LDB3: variants seen among roughly 807,000 people sequenced by gnomAD.
LDB3 encodes LIM domain binding 3, also known as LIM domain-binding protein 3.
In LDB3, 49 loss-of-function variants were observed where a neutral mutation model predicts 69.0. The observed-to-expected ratio is 0.71, with a 90% CI of 0.56 to 0.90. The LOEUF is 0.90. Ranked by LOEUF, LDB3 falls within the 40% of genes least tolerant of loss-of-function variation. The probability of loss-of-function intolerance (pLI) is 0.00; values close to 1 mark genes in which losing one functional copy is unlikely to be tolerated. For synonymous variants in LDB3, 387 were observed against 396.2 expected, an observed-to-expected ratio of 0.98 and a Z score of 0.28; for missense variants, 928 against 974.1, an observed-to-expected ratio of 0.95 and a Z score of 0.63.
intron 5 of LDB3, chr10:86,687,362 C>T: frequency 7.6e-7 from 1 of 1,314,796 alleles, no homozygotes; most frequent in Middle Eastern, 2.2e-4. Context: ...GCTTTCTTCC[C>T]TCACGTTGGA....
At chr10:86,694,208 G>A (rs1845904095) in intron 7 of LDB3, among the ~76,000 whole-genome samples, 1 of 152,210 alleles carries the variant, frequency 6.6e-6, no homozygotes, top group African/African-American at 2.4e-5. Context: ...GAGCACAAAG[G>A]CAGTGTTGAA....
intron 12 of LDB3, among the ~76,000 whole-genome samples, chr10:86,725,511 C>G (rs1417748658): frequency 2.0e-5 from 3 of 152,028 alleles, no homozygotes; most frequent in Non-Finnish European, 4.4e-5. Flanking sequence ...AGATGTAGTC[C>G]CTGACATTGA....
In LDB3 at chr10:86,674,381, G is replaced by C. The variant is rs141791983; in HGVS notation, c.94-4986G>C. On this transcript the variant is annotated intron_variant, in intron 2 of 13. Transcript: ENST00000361373. Reference sequence around the variant, plus strand: ...CTCCTTTGCTGCCTCCCCGCCCCCAGCCCCCAGCACTCACAAGTGGCTCTG... The same window carrying C: ...CTCCTTTGCTGCCTCCCCGCCCCCACCCCCCAGCACTCACAAGTGGCTCTG... Among the ~76,000 whole-genome samples, 14 of 152,290 alleles carry C rather than the reference G, an allele frequency of 9.2e-5. No homozygotes were observed. The East Asian group carries it at 2.7e-3, about 29-fold the overall frequency.
At chr10:86,711,741 G>T (rs951582580) in intron 9 of LDB3, among the ~76,000 whole-genome samples, 2 of 150,296 alleles carry the variant, frequency 1.3e-5, no homozygotes, top group African/African-American at 4.9e-5. Context: ...CCGCTCCCCG[G>T]AACACCTGAG....
chr10:86,671,517 G>A (rs1354398444), intron 2 of LDB3, among the ~76,000 whole-genome samples: 1 of 152,036 alleles, frequency 6.6e-6, no homozygotes, highest in Non-Finnish European at 1.5e-5. Context: ...GCGGGGAAAT[G>A]CCTTTATTTA....
intron 2 of LDB3, among the ~76,000 whole-genome samples, chr10:86,675,003 C>G (rs536293504): frequency 3.3e-5 from 5 of 152,290 alleles, no homozygotes; most frequent in African/African-American, 1.2e-4. Context: ...CAGCCCCCAC[C>G]CTGAGGGATG....
intron 12 of LDB3, among the ~76,000 whole-genome samples, chr10:86,724,096 A>C (rs1589683102): frequency 7.0e-6 from 1 of 143,752 alleles, no homozygotes; most frequent in Non-Finnish European, 1.5e-5. Flanking sequence ...GGATCACTTG[A>C]GGTCAGGAGT....
In LDB3 at chr10:86,706,617, C is replaced by T. The variant is rs1846453660; in HGVS notation, c.983C>T (p.Ser328Phe). The T allele has an allele frequency of 6.2e-7, 1 of 1,613,092 alleles. No individual in the cohort carries two copies. The highest frequency in any genetic ancestry group is 8.5e-7 in the Non-Finnish European group (1 of 1,179,972). The stretch of plus-strand genomic sequence containing the variant: ...TCTGCCCAGCCACCTGCTGCTGCCT[C>T]TCCCAGTGCGGCTTCGCCACCCCTG... ...PASAQPPAAA[S>F]PSAASPPLAT... The change falls in exon 8 of 14, where the codon TCT becomes TTT. Residue 328 changes from serine to phenylalanine, a missense_variant. Physicochemically the swap from Ser to Phe is radical, Grantham distance 155. Coordinates refer to ENST00000361373, the MANE Select transcript of LDB3 (RefSeq NM_007078.3).
At chr10:86,721,753 G>A (rs968883018) in intron 12 of LDB3, among the ~76,000 whole-genome samples, 4 of 152,202 alleles carry the variant, frequency 2.6e-5, no homozygotes, top group Non-Finnish European at 4.4e-5. Flanking sequence ...CTCTGGAGGG[G>A]AGCCTGGCAC....
chr10:86,692,625 C>G, intron 7 of LDB3, 54 bp downstream of exon 7: 1 of 1,527,760 alleles, frequency 6.5e-7, no homozygotes. Flanking sequence ...CGTCCCTCCC[C>G]GGGCAGCCCC....
intron 2 of LDB3, among the ~76,000 whole-genome samples, chr10:86,673,477 C>T (rs1445012578): frequency 6.6e-6 from 1 of 152,090 alleles, no homozygotes; most frequent in Non-Finnish European, 1.5e-5. Context: ...TGGAGCCACC[C>T]AGGCAGGCAG....
chr10:86,729,416 C>T (rs1847380996), intron 13 of LDB3, among the ~76,000 whole-genome samples: 1 of 152,206 alleles, frequency 6.6e-6, no homozygotes, highest in Admixed American at 6.5e-5. Flanking sequence ...CCCTCTTTTG[C>T]TCTAAGTCTT....
intron 2 of LDB3, among the ~76,000 whole-genome samples, chr10:86,673,416 A>G (rs2247689): frequency 0.46 from 69,659 of 151,962 alleles, 16,239 homozygotes; most frequent in South Asian, 0.51. Context: ...TGTGTGGGTC[A>G]CTTCTTGGAG....
Position 86,716,637 on chromosome 10 carries a change from G to T in LDB3, c.1542G>T (p.Leu514=), listed in dbSNP as rs1846887330. 6 of 1,613,586 alleles carry T rather than the reference G, an allele frequency of 3.7e-6. No individual in the cohort carries two copies. Among genetic ancestry groups the T allele is most frequent in the African/African-American group, 1.3e-5 (1 of 74,762 alleles). Residue 514 remains leucine (L), a synonymous_variant, in exon 10 of 14, where the codon CTG becomes CTT. Coordinates refer to ENST00000361373, the MANE Select transcript of LDB3 (RefSeq NM_007078.3). ...KSTTSISKQT[L]PRGGPAYTPA... ...CCACCTCCATCAGCAAGCAGACCCT[G>T]CCCCGGGGAGGCCCAGCCTACACCC...
At chr10:86,689,773 G>C (rs1249527665) in intron 5 of LDB3, among the ~76,000 whole-genome samples, 1 of 152,200 alleles carries the variant, frequency 6.6e-6, no homozygotes, top group Non-Finnish European at 1.5e-5. Context: ...GAATCAGACT[G>C]GGGGCTGCAC....
intron 6 of LDB3, 40 bp downstream of exon 6, chr10:86,692,105 T>C: frequency 6.2e-7 from 1 of 1,610,892 alleles, no homozygotes; most frequent in Non-Finnish European, 8.5e-7. Flanking sequence ...AGGAGGGAGA[T>C]GCTGAGGGGC....
chr10:86,671,442 A>G (rs959948700), intron 2 of LDB3, among the ~76,000 whole-genome samples: 21 of 152,178 alleles, frequency 1.4e-4, no homozygotes, highest in African/African-American at 4.6e-4. Context: ...GCATCCCTTC[A>G]TAGGGTCTCT....
At chr10:86,692,737 G>T (rs1219700002) in intron 7 of LDB3, among the ~76,000 whole-genome samples, 166 bp downstream of exon 7, 3 of 152,256 alleles carry the variant, frequency 2.0e-5, no homozygotes, top group Non-Finnish European at 4.4e-5. Context: ...AGCATCGTGA[G>T]TCAGTGAGGT....
chr10:86,717,920 G>C, intron 10 of LDB3, 44 bp from the exon 11 acceptor site: 1 of 1,595,068 alleles, frequency 6.3e-7, no homozygotes, highest in Non-Finnish European at 8.6e-7. Flanking sequence ...CTAATTCCAA[G>C]TTCTGGGAGC....
Sources: gnomAD v4.1 joint callset for allele counts (sites outside exome capture counted in the v4.1 genomes callset) on GRCh38, gnomAD v4.1.1 for gene constraint, MANE v1.5 for transcripts, NCBI Gene and HGNC (gene_info 2026-07-23, HGNC 2026-07-21) for gene names.